Variants in ELMO2 observed in about 807,000 individuals in gnomAD.
The protein encoded by ELMO2 is engulfment and cell motility 2.
Under a neutral mutation model 96.2 loss-of-function variants are expected in ELMO2, and 37 were observed. That is an observed-to-expected ratio of 0.38 (90% CI 0.30 to 0.51). The LOEUF (loss-of-function observed/expected upper bound fraction) is 0.51, where lower values mean the gene tolerates loss of function less well. ELMO2 is among the 20% of genes least tolerant of loss of function. The pLI is 0.88. For synonymous variants in ELMO2, 315 were observed against 329.4 expected (o/e 0.96, Z 0.47); for missense variants, 561 against 912.6 (o/e 0.61, Z 4.96).
intron 21 of ELMO2, 139 bp downstream of exon 21, chr20:46,368,749 CCTT>C: frequency 2.4e-6 from 2 of 825,024 alleles, no homozygotes; most frequent in Non-Finnish European, 3.9e-6. Flanking sequence ...TGAAATGCCA[CCTT>C]CTTCTCAAAG....
At chr20:46,380,352 T>A in intron 10 of ELMO2, 49 bp from the exon 11 acceptor site, 1 of 1,461,150 alleles carries the variant, frequency 6.8e-7, no homozygotes, top group Non-Finnish European at 9.6e-7. Context: ...GGCACACACC[T>A]GTGACTACTA....
chr20:46,403,505 T>A (rs1233800355), intron 1 of ELMO2, among the ~76,000 whole-genome samples: 2 of 152,242 alleles, frequency 1.3e-5, no homozygotes, highest in Non-Finnish European at 2.9e-5. Flanking sequence ...CACTGCAAAG[T>A]ACCACCTTGC....
chr20:46,387,288 T>A, intron 8 of ELMO2, 50 bp downstream of exon 8: 4 of 1,531,352 alleles, frequency 2.6e-6, no homozygotes, highest in Non-Finnish European at 3.6e-6. Flanking sequence ...TTAAGCCTTG[T>A]GAACTGGCAG....
intron 8 of ELMO2, 86 bp from the exon 9 acceptor site, chr20:46,386,361 CT>C: frequency 2.0e-6 from 3 of 1,533,514 alleles, no homozygotes; most frequent in Non-Finnish European, 2.6e-6. Flanking sequence ...CCTTGAAGCT[CT>C]CTCTGCTTCA....
intron 10 of ELMO2, among the ~76,000 whole-genome samples, chr20:46,381,650 T>C (rs1463369005): frequency 6.6e-6 from 1 of 152,152 alleles, no homozygotes; most frequent in Admixed American, 6.5e-5. Flanking sequence ...GGTCTGCAGC[T>C]AGAATATAAA....
chr20:46,375,542 G>A lies in ELMO2; in HGVS notation c.930+126C>T. Reference sequence around the variant, plus strand: ...GGGCTTGGCTCATGGTGCAGATCATGCTAGATTTTCTAGGGCAGATGCAAA... The same window carrying A: ...GGGCTTGGCTCATGGTGCAGATCATACTAGATTTTCTAGGGCAGATGCAAA... On this transcript the variant is annotated intron_variant, in intron 12 of 21. Transcript: ENST00000290246. This position sits in a 1 kb window ranked among gnomAD's most constrained non-coding sequence, Gnocchi z 4.6. The A allele has an allele frequency of 6.6e-7, 1 of 1,513,858 alleles. No homozygotes were observed. The highest frequency in any genetic ancestry group is 1.2e-5 in the South Asian group (1 of 80,604). 93.8% of individuals were successfully genotyped at this position (1,513,858 alleles called of 1,614,324 possible). A position where few individuals can be genotyped will look rare whatever the true frequency, so the allele number is the denominator to read the frequency against.
intron 15 of ELMO2, 110 bp downstream of exon 15, chr20:46,374,222 G>A (rs143395885): frequency 2.7e-6 from 2 of 732,540 alleles, no homozygotes; most frequent in African/African-American, 3.6e-5. Flanking sequence ...GATTACAGGT[G>A]TGAACCACCA....
rs757943258 is a variant in ELMO2 at position 46,370,230 on chromosome 20, A to G, written c.1884+213T>C. 69 of 676,690 alleles carry G rather than the reference A, an allele frequency of 1.0e-4. No individual in the cohort carries two copies. In the African/African-American group the frequency reaches 1.2e-3, roughly 12 times the overall value. The allele number at this position is 676,690 out of a possible 1,614,324, so 41.9% of individuals were successfully genotyped here. A position where few individuals can be genotyped will look rare whatever the true frequency, so the allele number is the denominator to read the frequency against. ...CTTTCTTCAAAGCGATAAAGGAGAG[A>G]AACAAGTGGATGGGCAGAACTGGCC... On this transcript the variant is annotated intron_variant, in intron 20 of 21. Coordinates refer to ENST00000290246, the MANE Select transcript of ELMO2 (RefSeq NM_133171.5).
At chr20:46,384,163 A>G (rs2060002342) in intron 9 of ELMO2, among the ~76,000 whole-genome samples, 1 of 152,248 alleles carries the variant, frequency 6.6e-6, no homozygotes, top group African/African-American at 2.4e-5. Context: ...AATGTTTAAC[A>G]GTGGGTATGT....
At chr20:46,405,250 C>T (rs573303478) in intron 1 of ELMO2, among the ~76,000 whole-genome samples, 6 of 152,258 alleles carry the variant, frequency 3.9e-5, no homozygotes, top group Non-Finnish European at 8.8e-5. Flanking sequence ...ACGTGGGGTA[C>T]TGGTCGAAAA....
intron 11 of ELMO2, among the ~76,000 whole-genome samples, chr20:46,379,679 T>C (rs2059921976): frequency 1.3e-5 from 2 of 152,126 alleles, no homozygotes; most frequent in African/African-American, 4.8e-5. Context: ...ATTCCTGTTA[T>C]TCCCGGTCTG....
intron 1 of ELMO2, among the ~76,000 whole-genome samples, chr20:46,401,142 T>C (rs1018797539): frequency 2.0e-5 from 3 of 152,208 alleles, no homozygotes; most frequent in African/African-American, 4.8e-5. Flanking sequence ...AGAAGGCAAG[T>C]TGGAGTCACG....
chr20:46,390,009 T>G (rs1350596696), intron 6 of ELMO2, among the ~76,000 whole-genome samples: 4 of 151,574 alleles, frequency 2.6e-5, no homozygotes, highest in African/African-American at 9.7e-5. Context: ...AAAAATTAGC[T>G]GGGCATGGTG....
rs1600822181 is a variant in ELMO2 at position 46,371,748 on chromosome 20, A to G, written c.1581-57T>C. The G allele has an allele frequency of 1.2e-6, 2 of 1,613,386 alleles. No individual in the cohort carries two copies. Among genetic ancestry groups the G allele is most frequent in the Non-Finnish European group, 1.7e-6 (2 of 1,179,410 alleles). ...GGTCATGGGGACAGTGGAGCTCTGG[A>G]AGGAAAGCAGAGCTGGCAGCCACCT... On this transcript the variant is annotated intron_variant, in intron 17 of 21. Transcript: ENST00000290246. This position sits in a 1 kb window ranked among gnomAD's most constrained non-coding sequence, Gnocchi z 5.9.
chr20:46,390,601 T>G (rs778547329), intron 6 of ELMO2: 6 of 152,250 alleles, frequency 3.9e-5, no homozygotes, highest in Non-Finnish European at 7.3e-5. Flanking sequence ...TCACTGGGCT[T>G]TCCTTCCGCT....
At chr20:46,373,362 C>T (rs751266325) in intron 16 of ELMO2, 37 bp downstream of exon 16, 9 of 1,612,178 alleles carry the variant, frequency 5.6e-6, no homozygotes, top group Non-Finnish European at 6.8e-6. Context: ...GTGATGGTCT[C>T]CTCCCGTGGG....
Position 46,371,554 on chromosome 20 carries a change from C to T in ELMO2, c.1693+25G>A, listed in dbSNP as rs2059708200. 3.1e-6 allele frequency: 5 copies of T among 1,603,872 alleles called. No individual in the cohort carries two copies. Among genetic ancestry groups the T allele is most frequent in the Non-Finnish European group, 3.4e-6 (4 of 1,173,802 alleles). On this transcript the variant is annotated intron_variant, in intron 18 of 21. Coordinates refer to ENST00000290246, the MANE Select transcript of ELMO2 (RefSeq NM_133171.5). The surrounding 1 kb of genome is among the most constrained non-coding windows in gnomAD (Gnocchi z 5.9). ...CATCCAGGCAGGCTCTTCCCGGCAC[C>T]AAGGATTGCCCCGTCTCCTCTCACC...
At chr20:46,396,186 C>G (rs1408362396) in intron 2 of ELMO2, among the ~76,000 whole-genome samples, 1 of 152,210 alleles carries the variant, frequency 6.6e-6, no homozygotes, top group Non-Finnish European at 1.5e-5. Flanking sequence ...CTGGCCCTAT[C>G]TGCATAATTT....
intron 3 of ELMO2, 39 bp downstream of exon 3, chr20:46,394,366 C>A: frequency 6.2e-7 from 1 of 1,608,272 alleles, no homozygotes; most frequent in East Asian, 2.2e-5. Flanking sequence ...TCCCCAGGTG[C>A]CTTTCCTTGA....
Sources: allele counts gnomAD v4.1 joint callset (sites outside exome capture counted in the v4.1 genomes callset), GRCh38; gene constraint gnomAD v4.1.1; non-coding constraint Gnocchi (gnomAD v3.1); transcripts MANE v1.5; gene names NCBI Gene and HGNC (gene_info 2026-07-23, HGNC 2026-07-21).